RP1: variants seen among roughly 807,000 people sequenced by gnomAD.
RP1 encodes the protein RP1 axonemal microtubule associated.
A neutral mutation model predicts 14.8 loss-of-function variants in RP1; 16 were observed. That is an observed-to-expected ratio of 1.08 (90% confidence interval 0.73 to 1.65). The LOEUF (loss-of-function observed/expected upper bound fraction) is 1.65. Among genes scored for constraint, RP1 ranks in the 40% most tolerant of loss-of-function variants. The pLI, the probability that RP1 is intolerant of heterozygous loss-of-function variation, is 0.00. For missense variants in RP1, 2,631 were observed against 2,535.0 expected, an observed-to-expected ratio of 1.04 and a Z score of -0.81; for synonymous variants, 876 against 883.6, an observed-to-expected ratio of 0.99 and a Z score of 0.15.
chr8:54,870,876 G>T (rs1158951227), exon 29 of RP1: 1 of 152,066 alleles, frequency 6.6e-6, no homozygotes, highest in Non-Finnish European at 1.5e-5. Context: ...AGTGGAACAA[G>T]CAGGAGAGCC....
At chr8:54,855,883 G>A (rs771288375) in intron 26 of RP1, among the ~76,000 whole-genome samples, 3 of 150,286 alleles carry the variant, frequency 2.0e-5, no homozygotes, top group Admixed American at 6.7e-5. Context: ...CGTATGCTTC[G>A]CATACGGAGT....
At chr8:54,638,788 T>G (rs1315684494) in intron 3 of RP1, among the ~76,000 whole-genome samples, 6 of 152,114 alleles carry the variant, frequency 3.9e-5, no homozygotes, top group African/African-American at 9.7e-5. Flanking sequence ...ATCTTTCCCC[T>G]CCGTTTTTTG....
intron 1 of RP1, among the ~76,000 whole-genome samples, chr8:54,563,098 CAGAG>C (rs374741167): frequency 1.3e-5 from 2 of 150,736 alleles, no homozygotes; most frequent in South Asian, 2.1e-4. Context: ...ATCAGCTCTT[CAGAG>C]AGAGAGAGAG....
At chr8:54,809,842 G>A (rs921179380) in intron 24 of RP1, among the ~76,000 whole-genome samples, 3 of 152,216 alleles carry the variant, frequency 2.0e-5, no homozygotes, top group Non-Finnish European at 4.4e-5. Flanking sequence ...GATAGCGAAA[G>A]CATTTTTTTC....
downstream of RP1, among the ~76,000 whole-genome samples, chr8:54,632,691 C>T (rs571545583): frequency 1.2e-4 from 18 of 152,000 alleles, no homozygotes; most frequent in South Asian, 2.1e-3. Flanking sequence ...TTATATTTTA[C>T]GAAAGCAGTA....
intron 16 of RP1, among the ~76,000 whole-genome samples, chr8:54,720,742 T>C (rs1808515880): frequency 6.6e-6 from 1 of 152,154 alleles, no homozygotes. Flanking sequence ...AAAAATAGGA[T>C]TTGGAAAAAA....
chr8:54,675,653 T>TA lies in RP1; in HGVS notation c.1402+1734dup, dbSNP rs202164313. Among the ~76,000 whole-genome samples the TA allele has an allele frequency of 3.1e-3, 465 of 151,572 alleles. 1 individual carries two copies. The highest frequency in any genetic ancestry group is 6.8e-3 in the Middle Eastern group (2 of 294). On this transcript the variant is annotated intron_variant, in intron 8 of 22. Coordinates refer to the RP1 transcript ENST00000636932. ...AAAAATTTAATTAAAAGGACAAAAG[T>TA]AAAAAAAAATTAGTCATTTAAGGTA... is the stretch of plus-strand genomic sequence containing the variant.
intron 24 of RP1, among the ~76,000 whole-genome samples, chr8:54,791,709 C>T (rs1585696018): frequency 6.6e-6 from 1 of 151,864 alleles, no homozygotes; most frequent in East Asian, 1.9e-4. Context: ...AATAAACCTG[C>T]AGTAGATACA....
chr8:54,632,411 A>C (rs1277280659), downstream of RP1, among the ~76,000 whole-genome samples: 1 of 152,222 alleles, frequency 6.6e-6, no homozygotes, highest in African/African-American at 2.4e-5. Flanking sequence ...GGGACTGTGT[A>C]ACATACTTCT....
intron 24 of RP1, among the ~76,000 whole-genome samples, chr8:54,828,879 CTTCTTTTTTTTTT>C (rs1342254055): frequency 1.6e-4 from 17 of 107,454 alleles, no homozygotes; most frequent in African/African-American, 4.3e-4. Context: ...TCTTCTTCTT[CTTCTTTTTTTTTT>C]TTTTTTTTTT....
At chr8:54,652,482 G>GGT (rs1806674709) in intron 4 of RP1, among the ~76,000 whole-genome samples, 1 of 151,772 alleles carries the variant, frequency 6.6e-6, no homozygotes, top group African/African-American at 2.4e-5. Flanking sequence ...AGGTCTAGGT[G>GGT]GTGTGTAATG....
chr8:54,706,348 G>C, intron 14 of RP1: 1 of 1,240,236 alleles, frequency 8.1e-7, no homozygotes, highest in Non-Finnish European at 1.1e-6. Flanking sequence ...TGGTCACTAT[G>C]GCTTCAGTAA....
intron 24 of RP1, among the ~76,000 whole-genome samples, chr8:54,792,601 T>C (rs1810492261): frequency 6.6e-6 from 1 of 151,878 alleles, no homozygotes; most frequent in South Asian, 2.1e-4. Flanking sequence ...CACTTCTCAA[T>C]GATTAAGGAG....
At chr8:54,837,059 C>G (rs893432377) in intron 24 of RP1, among the ~76,000 whole-genome samples, 4 of 152,144 alleles carry the variant, frequency 2.6e-5, no homozygotes, top group African/African-American at 9.7e-5. Flanking sequence ...CATATGGTCT[C>G]TTCCTCAGGA....
chr8:54,805,364 CA>C (rs1346501770), intron 24 of RP1, among the ~76,000 whole-genome samples: 1 of 152,150 alleles, frequency 6.6e-6, no homozygotes, highest in Non-Finnish European at 1.5e-5. Context: ...TAACATTCTT[CA>C]CCAAGTTTGA....
chr8:54,832,223 A>T (rs1811546752), intron 24 of RP1, among the ~76,000 whole-genome samples: 1 of 151,338 alleles, frequency 6.6e-6, no homozygotes, highest in Non-Finnish European at 1.5e-5. Context: ...ATATTTAAGT[A>T]TTTTTTCTTC....
chr8:54,609,119 C>A (rs1157281729), intron 1 of RP1, among the ~76,000 whole-genome samples: 1 of 152,044 alleles, frequency 6.6e-6, no homozygotes, highest in Non-Finnish European at 1.5e-5. Context: ...CCCATTCCAT[C>A]AGATCATAGC....
At chr8:54,805,619 G>T (rs1392429682) in intron 24 of RP1, among the ~76,000 whole-genome samples, 1 of 152,096 alleles carries the variant, frequency 6.6e-6, no homozygotes, top group African/African-American at 2.4e-5. Context: ...CAAGCAACCT[G>T]GTTGGACTCT....
chr8:54,831,543 C>T (rs1005753223), intron 24 of RP1, among the ~76,000 whole-genome samples: 3 of 151,318 alleles, frequency 2.0e-5, no homozygotes, highest in African/African-American at 7.3e-5. Flanking sequence ...AGTGCTATCC[C>T]ATTAATATCC....
Sources: allele counts gnomAD v4.1 joint callset (sites outside exome capture counted in the v4.1 genomes callset), GRCh38; gene constraint gnomAD v4.1.1; transcripts MANE v1.5; gene names NCBI Gene and HGNC (gene_info 2026-07-23, HGNC 2026-07-21).